MARCO: variants seen among roughly 807,000 people sequenced by gnomAD.
MARCO encodes macrophage receptor with collagenous structure.
MARCO carries 72 observed loss-of-function variants against 70.0 expected under a neutral mutation model. The observed-to-expected ratio is 1.03, with a 90% CI of 0.85 to 1.25. The LOEUF (loss-of-function observed/expected upper bound fraction) is 1.25, where lower values mean the gene tolerates loss of function less well. MARCO is among the 50% of genes most tolerant of loss of function. MARCO has a pLI of 0.00. For synonymous variants in MARCO, 273 were observed against 243.1 expected, an observed-to-expected ratio of 1.12 and a Z score of -1.14; for missense variants, 696 against 659.3, an observed-to-expected ratio of 1.06 and a Z score of -0.61.
chr2:118,994,488 G>C lies in MARCO; in HGVS notation c.1531G>C (p.Glu511Gln). The change falls in exon 17 of 17, where the codon GAG (glutamate) becomes CAG (glutamine). Residue 511 changes from glutamate to glutamine, a missense_variant. Physicochemically the swap from Glu to Gln is conservative, Grantham distance 29 (BLOSUM62 2). Around this residue, in one of 3 missense-constraint regions of MARCO, gnomAD observed 58 missense variants for 62.1 expected, o/e 0.93. Transcript: ENST00000327097. ...NSWGHHDCSHEEDAGVECSV is the reference protein window; with the variant it reads ...NSWGHHDCSHQEDAGVECSV ...CTGGGGCCATCATGACTGCAGCCACGAGGAGGACGCAGGCGTGGAGTGCAG... is the reference window on the plus strand; with the variant it reads ...CTGGGGCCATCATGACTGCAGCCACCAGGAGGACGCAGGCGTGGAGTGCAG... 6.2e-7 allele frequency: 1 copy of C among 1,611,554 alleles called. No homozygotes were observed. Among genetic ancestry groups the C allele is most frequent in the East Asian group, 2.2e-5 (1 of 44,836 alleles).
At chr2:118,971,635 G>T in intron 4 of MARCO, 101 bp downstream of exon 4, 1 of 1,170,496 alleles carries the variant, frequency 8.5e-7, no homozygotes, top group South Asian at 1.3e-5. Context: ...GCTGACCCTA[G>T]CTTACCTTCC....
At chr2:118,973,342 C>T (rs1680211515) in intron 4 of MARCO, among the ~76,000 whole-genome samples, 1 of 152,078 alleles carries the variant, frequency 6.6e-6, no homozygotes, top group South Asian at 2.1e-4. Flanking sequence ...CTCCAACTCT[C>T]ACTCTCCATG....
At chr2:118,958,671 G>A (rs565781040) in intron 1 of MARCO, among the ~76,000 whole-genome samples, 5 of 152,028 alleles carry the variant, frequency 3.3e-5, no homozygotes, top group African/African-American at 1.2e-4. Flanking sequence ...AAATTCATAT[G>A]GAACCAAAAA....
chr2:118,948,402 G>T (rs1241461905), intron 1 of MARCO, among the ~76,000 whole-genome samples: 3 of 152,186 alleles, frequency 2.0e-5, no homozygotes, highest in Admixed American at 2.0e-4. Flanking sequence ...CAAAGAAATT[G>T]CTTACAAAAG....
At chr2:118,953,835 G>T (rs915660958) in intron 1 of MARCO, among the ~76,000 whole-genome samples, 34 of 152,296 alleles carry the variant, frequency 2.2e-4, no homozygotes, top group African/African-American at 7.9e-4. Flanking sequence ...AGAAGTTTCT[G>T]ACTTTACCTG....
chr2:118,992,289 C>A, intron 14 of MARCO, 143 bp from the exon 15 acceptor site: 1 of 655,914 alleles, frequency 1.5e-6, no homozygotes, highest in South Asian at 1.9e-5. Context: ...GACATCCCAT[C>A]CCCATAATGC....
intron 4 of MARCO, 111 bp downstream of exon 4, chr2:118,971,645 C>A: frequency 9.6e-7 from 1 of 1,038,260 alleles, no homozygotes; most frequent in Non-Finnish European, 1.5e-6. Flanking sequence ...GCTTACCTTC[C>A]CCTGTCTCCA....
chr2:118,977,626 T>G, intron 7 of MARCO, 111 bp downstream of exon 7: 1 of 768,334 alleles, frequency 1.3e-6, no homozygotes. Flanking sequence ...CCCCTGACAG[T>G]TACTGCCCAC....
intron 1 of MARCO, among the ~76,000 whole-genome samples, chr2:118,954,421 G>A (rs981080465): frequency 3.3e-5 from 5 of 152,122 alleles, no homozygotes; most frequent in Admixed American, 6.5e-5. Flanking sequence ...AAGACCTGCC[G>A]AAGGAGACTC....
chr2:118,952,426 C>A (rs1679740103), intron 1 of MARCO, among the ~76,000 whole-genome samples: 1 of 152,194 alleles, frequency 6.6e-6, no homozygotes, highest in Non-Finnish European at 1.5e-5. Context: ...CGCCCTAAGC[C>A]ATATGAGGTA....
At chr2:118,962,652 T>C (rs1679970819) in intron 1 of MARCO, among the ~76,000 whole-genome samples, 1 of 152,170 alleles carries the variant, frequency 6.6e-6, no homozygotes, top group African/African-American at 2.4e-5. Context: ...AAAGTGTTTC[T>C]TCCTTTTCTG....
rs1391673916 is a variant in MARCO, at chr2:118,984,821, C to T, written c.1063+2411C>T. Among the ~76,000 whole-genome samples the T allele has an allele frequency of 5.3e-5, 8 of 152,124 alleles. 1 individual carries two copies. Among genetic ancestry groups the T allele is most frequent in the Non-Finnish European group, 1.2e-4 (8 of 68,018 alleles). On this transcript the variant is annotated intron_variant, in intron 12 of 16. Transcript: ENST00000327097. The stretch of plus-strand genomic sequence containing the variant: ...TGTCAATGTCAGGATGTCGGTATTC[C>T]CCAAACTAAAGCCACTGCAGTGCTT...
intron 12 of MARCO, among the ~76,000 whole-genome samples, chr2:118,986,586 G>GAAAGAAAGA (rs1553416602): frequency 2.1e-5 from 1 of 46,666 alleles, no homozygotes; most frequent in African/African-American, 1.2e-4. Flanking sequence ...GGGAAGGAAA[G>GAAAGAAAGA]AAGAAAGAAA....
At position 118,974,581 on chromosome 2, in the gene MARCO, G is replaced by A. The variant is rs1264937561; in HGVS notation, c.613+16G>A. ...GGAGAGGCGGGTGAGTAGGTGCTGG[G>A]TATGTACCCAGAAATACACAGCAAG... On this transcript the variant is annotated intron_variant, in intron 6 of 16. Transcript: ENST00000327097. The A allele has an allele frequency of 2.5e-6, 4 of 1,610,582 alleles. No individual in the cohort carries two copies. Among genetic ancestry groups the A allele is most frequent in the Admixed American group, 3.4e-5 (2 of 59,688 alleles).
chr2:118,993,370 G>A lies in MARCO; in HGVS notation c.1429+70G>A, dbSNP rs921681393. The A allele has an allele frequency of 2.7e-6, 4 of 1,470,142 alleles. No homozygotes were observed. The African/African-American group carries it at 4.2e-5, about 16-fold the overall frequency. 91.1% of individuals were successfully genotyped at this position (1,470,142 alleles called of 1,614,324 possible). A position where few individuals can be genotyped will look rare whatever the true frequency, so the allele number is the denominator to read the frequency against. On this transcript the variant is annotated intron_variant, in intron 16 of 16. Coordinates refer to ENST00000327097, the MANE Select transcript of MARCO (RefSeq NM_006770.4). ...TGTGGCTTTCTCTCGCTGGTGGGGT[G>A]TTGGCAAGTGACTCAGTGTGGTTTT...
At chr2:118,959,258 C>G (rs1367695846) in intron 1 of MARCO, among the ~76,000 whole-genome samples, 1 of 152,034 alleles carries the variant, frequency 6.6e-6, no homozygotes, top group Non-Finnish European at 1.5e-5. Context: ...GGATTAATGT[C>G]CAGAATCTAC....
intron 1 of MARCO, among the ~76,000 whole-genome samples, chr2:118,964,681 A>C (rs923455521): frequency 6.6e-6 from 1 of 152,054 alleles, no homozygotes; most frequent in Non-Finnish European, 1.5e-5. Flanking sequence ...TGAGGTCAGG[A>C]ATTCAAGACC....
intron 1 of MARCO, among the ~76,000 whole-genome samples, chr2:118,953,317 C>T (rs12329168): frequency 0.055 from 8,306 of 152,254 alleles, 714 homozygotes; most frequent in African/African-American, 0.19. Context: ...AGTTAGTCCT[C>T]AAAAGAAACC....
chr2:118,972,091 C>T (rs1214486398), intron 4 of MARCO, among the ~76,000 whole-genome samples: 1 of 152,208 alleles, frequency 6.6e-6, no homozygotes. Context: ...CAGCCACTCA[C>T]CTGTGTAGGA....
Sources: gnomAD v4.1 joint callset for allele counts (sites outside exome capture counted in the v4.1 genomes callset) on GRCh38, gnomAD v4.1.1 for gene constraint, gnomAD v4.1.1 regional missense constraint, MANE v1.5 for transcripts, NCBI Gene and HGNC (gene_info 2026-07-23, HGNC 2026-07-21) for gene names.